Variants in CLCN7 observed in about 807,000 individuals in gnomAD.
CLCN7 encodes Cl-/H+ antiporter 7.
A neutral mutation model predicts 102.1 loss-of-function variants in CLCN7; 60 were observed. The ratio of observed to expected loss-of-function variants is 0.59; its 90% CI spans 0.48 to 0.73. CLCN7 has a LOEUF of 0.73. Among genes scored for constraint, CLCN7 ranks in the 30% least tolerant of loss-of-function variants. CLCN7 has a pLI of 0.00. For synonymous variants in CLCN7, 560 were observed against 490.5 expected (o/e 1.14, Z -1.87); for missense variants, 962 against 1,125.7 (o/e 0.85, Z 2.08).
rs1036529334 is a variant in CLCN7, at chr16:1,445,992, G to A, written c.*639C>T. 3.3e-5 allele frequency: 16 copies of A among 487,600 alleles called. No individual in the cohort carries two copies. The highest frequency in any genetic ancestry group is 5.1e-5 in the Non-Finnish European group (14 of 274,106). The allele number at this position is 487,600 out of a possible 1,614,324, so 30.2% of individuals were successfully genotyped here. On this transcript the variant is annotated 3_prime_UTR_variant, in exon 25 of 25. Transcript: ENST00000382745. ...AGCACAGGGCCCGTGAGTCACCCCAGTCCTCTGGGCCTGTGTACCCAAGCC... is the reference window on the plus strand; with the variant it reads ...AGCACAGGGCCCGTGAGTCACCCCAATCCTCTGGGCCTGTGTACCCAAGCC...
At position 1,445,834 on chromosome 16, in the gene CLCN7, C is replaced by T. The variant is rs886051692; in HGVS notation, c.*797G>A. On this transcript the variant is annotated 3_prime_UTR_variant, in exon 25 of 25. Coordinates refer to ENST00000382745, the MANE Select transcript of CLCN7 (RefSeq NM_001287.6). ...CAGTGTCCACAGGGCAGCAATTCCA[C>T]GCTCTGAGGCTCAGGGACCAAGGCA... 12 of 172,926 alleles carry T rather than the reference C, an allele frequency of 6.9e-5. No individual in the cohort carries two copies. The highest frequency in any genetic ancestry group is 1.8e-4 in the East Asian group (1 of 5,702). 10.7% of individuals were successfully genotyped at this position (172,926 alleles called of 1,614,324 possible). A position where few individuals can be genotyped will look rare whatever the true frequency, so the allele number is the denominator to read the frequency against.
At chr16:1,449,758 G>A (rs776699296) in intron 17 of CLCN7, 24 of 241,650 alleles carry the variant, frequency 9.9e-5, no homozygotes, top group African/African-American at 1.5e-4. Flanking sequence ...CTGGGATGAC[G>A]GAACATTCTA....
At position 1,474,983 on chromosome 16, in the gene CLCN7, G is replaced by T; in HGVS notation, c.-9C>A. ...TTAGAGACGTTGGCCATGGCCCGCC[G>T]CGGAGCGACACCGGCCGGGAAGCGC... On this transcript the variant is annotated 5_prime_UTR_variant, in exon 1 of 25. Coordinates refer to ENST00000382745, the MANE Select transcript of CLCN7 (RefSeq NM_001287.6). 1 of 1,476,490 alleles carries T rather than the reference G, an allele frequency of 6.8e-7. No individual in the cohort carries two copies. Among genetic ancestry groups the T allele is most frequent in the Non-Finnish European group, 9.0e-7 (1 of 1,116,616 alleles). 91.5% of individuals were successfully genotyped at this position (1,476,490 alleles called of 1,614,324 possible). A position where few individuals can be genotyped will look rare whatever the true frequency, so the allele number is the denominator to read the frequency against.
At chr16:1,464,050 C>T (rs556107474) in intron 2 of CLCN7, among the ~76,000 whole-genome samples, 10 of 151,824 alleles carry the variant, frequency 6.6e-5, no homozygotes, top group African/African-American at 1.7e-4. Context: ...ATTACAGGCA[C>T]GAATCACCTC....
intron 10 of CLCN7, 75 bp from the exon 11 acceptor site, chr16:1,455,870 G>T (rs2038827684): frequency 5.9e-6 from 9 of 1,521,908 alleles, no homozygotes; most frequent in Non-Finnish European, 8.1e-6. Context: ...CCTCCCCCAG[G>T]CTCCAGGGAA....
chr16:1,452,469 C>G (rs1254043153), intron 15 of CLCN7: 17 of 487,184 alleles, frequency 3.5e-5, no homozygotes, highest in Non-Finnish European at 6.4e-5. Flanking sequence ...TATGGTGCCC[C>G]CATAGGGCGC....
chr16:1,457,626 G>C lies in CLCN7; in HGVS notation c.738+68C>G. 1 of 1,515,130 alleles carries C rather than the reference G, an allele frequency of 6.6e-7. No homozygotes were observed. Among genetic ancestry groups the C allele is most frequent in the Admixed American group, 1.7e-5 (1 of 59,410 alleles). The allele number at this position is 1,515,130 out of a possible 1,614,324, so 93.9% of individuals were successfully genotyped here. ...GGACCGGTGCTCAGAGACACACATGGGCGTGGCGGCCCTCGCGGGCCCGGC... is the reference window on the plus strand; with the variant it reads ...GGACCGGTGCTCAGAGACACACATGCGCGTGGCGGCCCTCGCGGGCCCGGC... On this transcript the variant is annotated intron_variant, in intron 8 of 24. Coordinates refer to ENST00000382745, the MANE Select transcript of CLCN7 (RefSeq NM_001287.6). This position sits in a 1 kb window ranked among gnomAD's most constrained non-coding sequence, Gnocchi z 5.4.
chr16:1,473,193 T>G (rs1347196236), intron 1 of CLCN7, among the ~76,000 whole-genome samples: 4 of 152,008 alleles, frequency 2.6e-5, no homozygotes, highest in Non-Finnish European at 4.4e-5. Context: ...TCAGATCACT[T>G]TTCATGCAGA....
At chr16:1,460,753 C>T in intron 5 of CLCN7, 63 bp downstream of exon 5, 3 of 1,611,696 alleles carry the variant, frequency 1.9e-6, no homozygotes. Context: ...AGGACTTCTG[C>T]CCGGGACTCG....
rs1452644840 is a variant in CLCN7 at position 1,446,730 on chromosome 16, T to C, written c.2332-13A>G. The C allele has an allele frequency of 6.4e-7, 1 of 1,570,678 alleles. No homozygotes were observed. The highest frequency in any genetic ancestry group is 1.2e-5 in the South Asian group (1 of 86,272). ...CCAACCCGACAACCTGCAGGACAAG[T>C]CCAGGCCACAGTGACACACGGGTCG... On this transcript the variant is annotated splice_polypyrimidine_tract_variant and intron_variant, in intron 24 of 24. Transcript: ENST00000382745.
At chr16:1,449,831 T>TA (rs1339006199) in intron 17 of CLCN7, 3 of 205,888 alleles carry the variant, frequency 1.5e-5, no homozygotes, top group Admixed American at 1.1e-4. Context: ...CTGCCCTCTT[T>TA]AAAACGATGA....
chr16:1,473,819 C>G (rs2039112467), intron 1 of CLCN7, among the ~76,000 whole-genome samples: 1 of 152,132 alleles, frequency 6.6e-6, no homozygotes, highest in Admixed American at 6.5e-5. Flanking sequence ...CGCAGTGGCT[C>G]ACGCCTGTAA....
intron 7 of CLCN7, 90 bp downstream of exon 7, chr16:1,459,017 G>C: frequency 8.6e-7 from 1 of 1,163,716 alleles, no homozygotes; most frequent in African/African-American, 1.5e-5. Flanking sequence ...GCTGAGGCCA[G>C]TTCTGGAAGG....
intron 21 of CLCN7, 193 bp downstream of exon 21, chr16:1,448,162 C>T (rs2038682934): frequency 3.8e-6 from 3 of 781,642 alleles, no homozygotes; most frequent in Non-Finnish European, 6.2e-6. Context: ...CCCTGCCAGG[C>T]CGCAGCCCCC....
At chr16:1,455,667 C>T in intron 11 of CLCN7, 64 bp downstream of exon 11, 5 of 1,551,694 alleles carry the variant, frequency 3.2e-6, no homozygotes, top group Non-Finnish European at 4.4e-6. Context: ...AGGTGGACCC[C>T]ATGGTGGGAA....
intron 16 of CLCN7, among the ~76,000 whole-genome samples, 159 bp downstream of exon 16, chr16:1,451,464 C>A (rs116262041): frequency 0.013 from 1,945 of 152,284 alleles, 45 homozygotes; most frequent in African/African-American, 0.044. Context: ...TTGGTCTCTC[C>A]AAGTGCTGGG....
At chr16:1,450,780 G>C (rs949755755) in intron 16 of CLCN7, 114 bp from the exon 17 acceptor site, 12 of 978,294 alleles carry the variant, frequency 1.2e-5, no homozygotes, top group Non-Finnish European at 1.8e-5. Flanking sequence ...CCAGCAACCT[G>C]AGCTCCCGAG....
rs1259122138 is a variant in CLCN7 at position 1,475,009 on chromosome 16, C to T, written c.-35G>A. 2 of 1,419,946 alleles carry T rather than the reference C, an allele frequency of 1.4e-6. No individual in the cohort carries two copies. The highest frequency in any genetic ancestry group is 1.4e-5 in the South Asian group (1 of 70,114). The allele number at this position is 1,419,946 out of a possible 1,614,324, so 88.0% of individuals were successfully genotyped here. A position where few individuals can be genotyped will look rare whatever the true frequency, so the allele number is the denominator to read the frequency against. On this transcript the variant is annotated 5_prime_UTR_variant, in exon 1 of 25. Transcript: ENST00000382745. ...CGGAGCGACACCGGCCGGGAAGCGC[C>T]GGCTGCCCCCGTGTTTGTTCTCGTG... is the stretch of plus-strand genomic sequence containing the variant.
chr16:1,474,202 C>T (rs1358124596), intron 1 of CLCN7: 4 of 456,002 alleles, frequency 8.8e-6, no homozygotes, highest in African/African-American at 6.0e-5. Context: ...GAACGCATTC[C>T]AACCTCTGAC....
Sources: gnomAD v4.1 joint callset for allele counts (sites outside exome capture counted in the v4.1 genomes callset) on GRCh38, gnomAD v4.1.1 for gene constraint, Gnocchi (gnomAD v3.1) non-coding constraint, MANE v1.5 for transcripts, NCBI Gene and HGNC (gene_info 2026-07-23, HGNC 2026-07-21) for gene names.